SLC35A5: variants seen among roughly 807,000 people sequenced by gnomAD.
SLC35A5 encodes the protein solute carrier family 35 member A5.
A neutral mutation model predicts 36.3 loss-of-function variants in SLC35A5; 28 were observed. The ratio of observed to expected loss-of-function variants is 0.77; its 90% CI spans 0.57 to 1.06. The LOEUF (loss-of-function observed/expected upper bound fraction) is 1.06, where lower values mean the gene tolerates loss of function less well. Among genes scored for constraint, SLC35A5 ranks in the 50% least tolerant of loss-of-function variants. The pLI is 0.00. For synonymous variants in SLC35A5, 180 were observed against 173.7 expected, an observed-to-expected ratio of 1.04 and a Z score of -0.29; for missense variants, 521 against 499.3, an observed-to-expected ratio of 1.04 and a Z score of -0.41.
upstream of SLC35A5, chr3:112,561,627 C>A: frequency 8.0e-7 from 1 of 1,244,352 alleles, no homozygotes; most frequent in Non-Finnish European, 1.1e-6. Context: ...CACCGACTCG[C>A]ATCAGCACCC....
chr3:112,573,383 C>G (rs771634748), intron 4 of SLC35A5, among the ~76,000 whole-genome samples: 2 of 152,076 alleles, frequency 1.3e-5, no homozygotes, highest in Non-Finnish European at 2.9e-5. Context: ...TGAATCAGTG[C>G]GCAGGGCTGT....
chr3:112,581,099 G>T lies in SLC35A5; in HGVS notation c.982G>T (p.Asp328Tyr), dbSNP rs1389671671. ...AGTGGCTTTCATTCTGAAGTTCCTG[G>T]ATAACATGTTCCATGTCTTGATGGC... ...LSVAFILKFL[D>Y]NMFHVLMAQV... The change falls in exon 6 of 7, where the codon GAT (aspartate) becomes TAT (tyrosine). Residue 328 changes from aspartate to tyrosine, a missense_variant. Transcript: ENST00000492406. 1 of 1,614,002 alleles carries T rather than the reference G, an allele frequency of 6.2e-7. No homozygotes were observed. The highest frequency in any genetic ancestry group is 1.1e-5 in the South Asian group (1 of 91,080).
chr3:112,563,276 A>T, intron 1 of SLC35A5, 109 bp from the exon 2 acceptor site: 1 of 905,310 alleles, frequency 1.1e-6, no homozygotes, highest in Non-Finnish European at 1.5e-6. Flanking sequence ...GTGCTGATAT[A>T]GTCATAGCCA....
At chr3:112,577,953 C>T (rs1398690005) in intron 5 of SLC35A5, among the ~76,000 whole-genome samples, 2 of 152,052 alleles carry the variant, frequency 1.3e-5, no homozygotes, top group African/African-American at 2.4e-5. Flanking sequence ...GTCTTCATAC[C>T]CTGCACTAGT....
chr3:112,573,039 A>G (rs1392776455), intron 4 of SLC35A5, among the ~76,000 whole-genome samples: 2 of 152,052 alleles, frequency 1.3e-5, no homozygotes, highest in African/African-American at 4.8e-5. Flanking sequence ...AGTTGTTGCC[A>G]TTTTTCATTG....
chr3:112,567,480 TACGTGGTTTCACCATGTTGACCAG>T (rs1377372247), intron 2 of SLC35A5, among the ~76,000 whole-genome samples: 1 of 152,064 alleles, frequency 6.6e-6, no homozygotes, highest in Non-Finnish European at 1.5e-5. Flanking sequence ...TTTTAGTAGA[TACGTGGTTTCACCATGTTGACCAG>T]ACGTGGTTTT....
intron 1 of SLC35A5, among the ~76,000 whole-genome samples, chr3:112,563,096 C>T (rs1197701074): frequency 6.6e-6 from 1 of 152,168 alleles, no homozygotes; most frequent in Non-Finnish European, 1.5e-5. Context: ...AAATAAAATT[C>T]AAAATTGCTT....
chr3:112,563,344 C>A, intron 1 of SLC35A5, 41 bp from the exon 2 acceptor site: 1 of 1,396,886 alleles, frequency 7.2e-7, no homozygotes, highest in Non-Finnish European at 9.5e-7. Context: ...CGTTTAGGGT[C>A]TGCCAACAAG....
intron 5 of SLC35A5, 37 bp from the exon 6 acceptor site, chr3:112,580,509 A>G: frequency 1.3e-6 from 2 of 1,546,822 alleles, no homozygotes; most frequent in East Asian, 2.3e-5. Context: ...TATGGGGGGA[A>G]AACAGTAGTA....
At chr3:112,569,318 A>T in intron 3 of SLC35A5, 49 bp downstream of exon 3, 2 of 1,409,590 alleles carry the variant, frequency 1.4e-6, no homozygotes, top group South Asian at 2.4e-5. Context: ...GGACCAAAAA[A>T]TGTTAGAACT....
In SLC35A5 at chr3:112,573,922, A is replaced by T. The variant is rs142275743; in HGVS notation, c.394A>T (p.Ile132Leu). Residue 132 changes from isoleucine (I) to leucine (L), a missense_variant, in exon 5 of 7, where the codon ATA (isoleucine) becomes TTA (leucine). By Grantham distance (5) the Ile-to-Leu change is conservative (BLOSUM62 2). Coordinates refer to ENST00000492406, the MANE Select transcript of SLC35A5 (RefSeq NM_017945.5). ...TGTTATCTTCTCAAATTTTAGCATT[A>T]TAACAACAGCTCTTCTATTCAGGAT... ...MAVIFSNFSI[I>L]TTALLFRIVL... 1.6e-4 allele frequency: 265 copies of T among 1,613,560 alleles called. 1 individual carries two copies. The highest frequency in any genetic ancestry group is 3.3e-4 in the Middle Eastern group (2 of 6,080).
intron 2 of SLC35A5, chr3:112,564,136 A>G (rs1294594237): frequency 6.6e-6 from 1 of 152,176 alleles, no homozygotes; most frequent in Non-Finnish European, 1.5e-5. Context: ...GTGGAACGAG[A>G]GACTTGGAAA....
chr3:112,581,218 T>C lies in SLC35A5; in HGVS notation c.1101T>C (p.Leu367=). The C allele has an allele frequency of 6.2e-7, 1 of 1,613,770 alleles. No homozygotes were observed. Among genetic ancestry groups the C allele is most frequent in the East Asian group, 2.2e-5 (1 of 44,860 alleles). ...TTTTCTTGGAAGCCCCATCAGTCCTTCTCTCTATATTTATTTATAATGCCA... is the reference window on the plus strand; with the variant it reads ...TTTTCTTGGAAGCCCCATCAGTCCTCCTCTCTATATTTATTTATAATGCCA... The part of the protein sequence containing the change: ...LEFFLEAPSV[L]LSIFIYNASK... The change falls in exon 6 of 7, where the codon CTT becomes CTC. Residue 367 remains leucine (L), a synonymous_variant. Coordinates refer to ENST00000492406, the MANE Select transcript of SLC35A5 (RefSeq NM_017945.5).
intron 5 of SLC35A5, among the ~76,000 whole-genome samples, chr3:112,575,532 TTATAA>T (rs1559861157): frequency 6.6e-6 from 1 of 151,990 alleles, no homozygotes; most frequent in Admixed American, 6.6e-5. Flanking sequence ...TTAATACTAG[TTATAA>T]TATTGATTGC....
chr3:112,584,968 A>C lies in SLC35A5; in HGVS notation c.*2232A>C, dbSNP rs1291333254. 2 of 152,210 alleles carry C rather than the reference A, an allele frequency of 1.3e-5. No individual in the cohort carries two copies. The highest frequency in any genetic ancestry group is 2.9e-5 in the Non-Finnish European group (2 of 68,044). The allele number at this position is 152,210 out of a possible 1,614,324, so 9.4% of individuals were successfully genotyped here. On this transcript the variant is annotated 3_prime_UTR_variant, in exon 7 of 7. Transcript: ENST00000492406. Reference sequence around the variant, plus strand: ...AATCAAATACCACATGTTCTCACTTATAAGTGGGAGCTAAACAGTGGGTAC... The same window carrying C: ...AATCAAATACCACATGTTCTCACTTCTAAGTGGGAGCTAAACAGTGGGTAC...
At position 112,580,921 on chromosome 3, in the gene SLC35A5, C is replaced by G; in HGVS notation, c.804C>G (p.Asn268Lys). The G allele has an allele frequency of 2.5e-6, 4 of 1,614,150 alleles. No individual in the cohort carries two copies. Among genetic ancestry groups the G allele is most frequent in the Non-Finnish European group, 3.4e-6 (4 of 1,179,990 alleles). ...NQLTESIFIQNSKLYFFGILF... is the reference protein window; with the variant it reads ...NQLTESIFIQKSKLYFFGILF... The stretch of plus-strand genomic sequence containing the variant: ...TCACTGAAAGCATCTTCATACAGAA[C>G]AGCAAACTCTATTTCTTTGGCATTC... The change falls in exon 6 of 7, where the codon AAC becomes AAG. Residue 268 changes from asparagine (N) to lysine (K), a missense_variant. Asn to Lys is a moderately conservative substitution (Grantham distance 94). Transcript: ENST00000492406.
At chr3:112,574,129 C>T (rs1378639294) in intron 5 of SLC35A5, among the ~76,000 whole-genome samples, 173 bp downstream of exon 5, 1 of 152,160 alleles carries the variant, frequency 6.6e-6, no homozygotes, top group Non-Finnish European at 1.5e-5. Context: ...CAGTGCTAGT[C>T]CATCTAAATC....
At chr3:112,574,225 T>C (rs1414752704) in intron 5 of SLC35A5, among the ~76,000 whole-genome samples, 1 of 152,242 alleles carries the variant, frequency 6.6e-6, no homozygotes. Context: ...TCATATTTAG[T>C]GCCAGATTTT....
At chr3:112,571,047 A>G (rs992423561) in intron 4 of SLC35A5, among the ~76,000 whole-genome samples, 3 of 152,238 alleles carry the variant, frequency 2.0e-5, no homozygotes, top group Admixed American at 2.0e-4. Context: ...ATTAACTCAG[A>G]AAGTTAAACA....
Sources: allele counts gnomAD v4.1 joint callset (sites outside exome capture counted in the v4.1 genomes callset), GRCh38; gene constraint gnomAD v4.1.1; transcripts MANE v1.5; gene names NCBI Gene and HGNC (gene_info 2026-07-23, HGNC 2026-07-21).